CPO: variants seen among roughly 807,000 people sequenced by gnomAD.
CPO encodes the protein carboxypeptidase O, also known as metallocarboxypeptidase C.
In CPO, 43 loss-of-function variants were observed where a neutral mutation model predicts 41.2. The ratio of observed to expected loss-of-function variants is 1.04; its 90% CI spans 0.82 to 1.35. The LOEUF is 1.35. Among genes scored for constraint, CPO ranks in the 40% most tolerant of loss-of-function variants. The pLI is 0.00. For synonymous variants in CPO, 178 were observed against 162.7 expected (o/e 1.09, Z -0.72); for missense variants, 408 against 451.7 (o/e 0.90, Z 0.88).
At chr2:206,966,713 T>C (rs545869645) in intron 7 of CPO, among the ~76,000 whole-genome samples, 1 of 152,280 alleles carries the variant, frequency 6.6e-6, no homozygotes, top group South Asian at 2.1e-4. Flanking sequence ...AAAGATGGCA[T>C]TCTTAGTATT....
At chr2:206,952,956 C>T (rs1393586132) in intron 2 of CPO, among the ~76,000 whole-genome samples, 1 of 152,124 alleles carries the variant, frequency 6.6e-6, no homozygotes, top group African/African-American at 2.4e-5. Context: ...CTTTATAAAA[C>T]CATCAGGTCT....
intron 1 of CPO, 102 bp downstream of exon 1, chr2:206,939,769 T>C (rs1692995492): frequency 1.3e-6 from 1 of 781,932 alleles, no homozygotes; most frequent in Non-Finnish European, 2.1e-6. Context: ...CCTTCCTTGC[T>C]ACTCATATAT....
At chr2:206,950,228 C>T (rs1393186537) in intron 2 of CPO, among the ~76,000 whole-genome samples, 5 of 152,130 alleles carry the variant, frequency 3.3e-5, no homozygotes, top group East Asian at 3.8e-4. Flanking sequence ...CTACAAAGAA[C>T]TCAAACAAAT....
At position 206,965,106 on chromosome 2, in the gene CPO, G is replaced by A. The variant is rs982681951; in HGVS notation, c.777+2492G>A. ...AGTAACTCTAAGAAGAGAATAACTG[G>A]CAACTCCATAGCACTATATACAGAA... On this transcript the variant is annotated intron_variant, in intron 7 of 8. Coordinates refer to ENST00000272852, the MANE Select transcript of CPO (RefSeq NM_173077.3). 2.0e-5 allele frequency among the ~76,000 whole-genome samples: 3 copies of A among 152,250 alleles called. No individual in the cohort carries two copies. In the East Asian group the frequency reaches 5.8e-4, roughly 29 times the overall value.
At chr2:206,967,214 C>T (rs558203950) in intron 7 of CPO, among the ~76,000 whole-genome samples, 2 of 152,016 alleles carry the variant, frequency 1.3e-5, no homozygotes, top group East Asian at 1.9e-4. Flanking sequence ...AACAGAAGGT[C>T]AATAAGCCCA....
intron 3 of CPO, 139 bp downstream of exon 3, chr2:206,955,703 C>T (rs1298132413): frequency 1.6e-6 from 1 of 635,826 alleles, no homozygotes; most frequent in Admixed American, 2.4e-5. Flanking sequence ...AAATGGGGCT[C>T]TTAAAGTTCA....
At chr2:206,945,877 A>G (rs34141317) in intron 1 of CPO, among the ~76,000 whole-genome samples, 56,078 of 151,806 alleles carry the variant, frequency 0.37, 11,535 homozygotes, top group Non-Finnish European at 0.48. Context: ...CGGAGGTTGC[A>G]GTCAGCCGAG....
chr2:206,939,528 T>A lies in CPO; in HGVS notation c.-72T>A. 8.5e-7 allele frequency: 1 copy of A among 1,176,170 alleles called. No individual in the cohort carries two copies. The allele number at this position is 1,176,170 out of a possible 1,614,324, so 72.9% of individuals were successfully genotyped here. A position where few individuals can be genotyped will look rare whatever the true frequency, so the allele number is the denominator to read the frequency against. ...TTGATTGTGGGAGCCACAGTCTTGATGCATTCATTCTCAAGGACACTTGAT... is the reference window on the plus strand; with the variant it reads ...TTGATTGTGGGAGCCACAGTCTTGAAGCATTCATTCTCAAGGACACTTGAT... On this transcript the variant is annotated 5_prime_UTR_variant, in exon 1 of 9. It removes an upstream start codon present in the reference 5' UTR. Transcript: ENST00000272852.
intron 1 of CPO, 123 bp downstream of exon 1, chr2:206,939,790 G>A: frequency 1.6e-6 from 1 of 614,368 alleles, no homozygotes; most frequent in Non-Finnish European, 2.8e-6. Flanking sequence ...ACCACCATGA[G>A]ATGAGAATAA....
chr2:206,954,406 C>T (rs1467190488), intron 2 of CPO, among the ~76,000 whole-genome samples: 4 of 151,666 alleles, frequency 2.6e-5, no homozygotes, highest in African/African-American at 4.8e-5. Context: ...TAAAGCATAA[C>T]GAGTCACCTT....
intron 1 of CPO, among the ~76,000 whole-genome samples, chr2:206,942,245 C>G (rs1245317098): frequency 6.6e-6 from 1 of 151,952 alleles, no homozygotes; most frequent in African/African-American, 2.4e-5. Flanking sequence ...ATAATCTGCC[C>G]TGCATTTAAG....
chr2:206,955,592 A>AAGGTAATT, intron 3 of CPO, 28 bp downstream of exon 3: 1 of 1,153,754 alleles, frequency 8.7e-7, no homozygotes, highest in Non-Finnish European at 1.3e-6. Flanking sequence ...GAATTACCTT[A>AAGGTAATT]CCAGGAGAAT....
chr2:206,955,614 A>G (rs1693344233), intron 3 of CPO, 50 bp downstream of exon 3: 1 of 1,009,056 alleles, frequency 9.9e-7, no homozygotes, highest in East Asian at 2.4e-5. Context: ...ATCCAGGAGG[A>G]TATGTGTTTA....
chr2:206,940,730 T>A (rs910518782), intron 1 of CPO, among the ~76,000 whole-genome samples: 4 of 152,034 alleles, frequency 2.6e-5, no homozygotes, highest in African/African-American at 9.7e-5. Flanking sequence ...GAAGTATATG[T>A]GGTTATAATT....
At chr2:206,965,283 T>G (rs1693551423) in intron 7 of CPO, among the ~76,000 whole-genome samples, 2 of 152,202 alleles carry the variant, frequency 1.3e-5, no homozygotes, top group Non-Finnish European at 2.9e-5. Flanking sequence ...TTGAAGCTAC[T>G]TAGCAGTGTT....
At position 206,958,772 on chromosome 2, in the gene CPO, G is replaced by A. The variant is rs1306449645; in HGVS notation, c.372+367G>A. On this transcript the variant is annotated intron_variant, in intron 4 of 8. Coordinates refer to ENST00000272852, the MANE Select transcript of CPO (RefSeq NM_173077.3). Reference sequence around the variant, plus strand: ...TTTTTTTTTTTTAAGACAGAGTTTTGCTCTTGTTGCCCAGGCTGGAGTGTA... The same window carrying A: ...TTTTTTTTTTTTAAGACAGAGTTTTACTCTTGTTGCCCAGGCTGGAGTGTA... 5.1e-5 allele frequency among the ~76,000 whole-genome samples: 3 copies of A among 58,348 alleles called. 1 individual carries two copies. Among genetic ancestry groups the A allele is most frequent in the African/African-American group, 2.0e-4 (3 of 15,102 alleles). 38.3% of individuals were successfully genotyped at this position (58,348 alleles called of 152,430 possible). A position where few individuals can be genotyped will look rare whatever the true frequency, so the allele number is the denominator to read the frequency against.
intron 3 of CPO, among the ~76,000 whole-genome samples, chr2:206,956,858 C>G (rs545297673): frequency 1.3e-5 from 2 of 152,128 alleles, no homozygotes; most frequent in Non-Finnish European, 2.9e-5. Flanking sequence ...GGAATTTACC[C>G]AGGGATTATG....
chr2:206,962,562 T>C lies in CPO; in HGVS notation c.725T>C (p.Ile242Thr). 4 of 1,614,138 alleles carry C rather than the reference T, an allele frequency of 2.5e-6. No individual in the cohort carries two copies. The highest frequency in any genetic ancestry group is 3.4e-6 in the Non-Finnish European group (4 of 1,179,998). Residue 242 changes from isoleucine to threonine, a missense_variant, in exon 7 of 9, where the codon ATT becomes ACT. Coordinates refer to ENST00000272852, the MANE Select transcript of CPO (RefSeq NM_173077.3). ...ACCATGCACTCTTATGGGCAGTTAA[T>C]TCTCACACCTTACGGCTACACCAAA... ...FLTMHSYGQL[I>T]LTPYGYTKNK...
intron 2 of CPO, among the ~76,000 whole-genome samples, chr2:206,954,274 G>A (rs967553184): frequency 6.6e-6 from 1 of 152,056 alleles, no homozygotes; most frequent in African/African-American, 2.4e-5. Flanking sequence ...TTTATGCTCT[G>A]TCCCCTCGTG....
Sources: allele counts gnomAD v4.1 joint callset (sites outside exome capture counted in the v4.1 genomes callset), GRCh38; gene constraint gnomAD v4.1.1; transcripts MANE v1.5; gene names NCBI Gene and HGNC (gene_info 2026-07-23, HGNC 2026-07-21).